Variants in INTS6 observed in about 807,000 individuals in gnomAD.
INTS6 encodes the protein DEAD box protein.
Under a neutral mutation model 104.9 loss-of-function variants are expected in INTS6, and 16 were observed. The observed-to-expected ratio is 0.15, with a 90% CI of 0.10 to 0.23. The LOEUF is 0.23. Ranked by LOEUF, INTS6 falls within the 10% of genes least tolerant of loss-of-function variation. The pLI, the probability that INTS6 is intolerant of heterozygous loss-of-function variation, is 1.00. For missense variants in INTS6, 584 were observed against 1,062.8 expected, an observed-to-expected ratio of 0.55 and a Z score of 6.26; for synonymous variants, 324 against 358.7, an observed-to-expected ratio of 0.90 and a Z score of 1.09.
In INTS6 at chr13:51,378,288, T is replaced by C. The variant is rs1283163025; in HGVS notation, c.1553A>G (p.Asp518Gly). Reference sequence around the variant, plus strand: ...CCCAGTGTATTCCTTCATATTAAGGTCTAGCAGTCTGTGAGGGACATCCTC... The same window carrying C: ...CCCAGTGTATTCCTTCATATTAAGGCCTAGCAGTCTGTGAGGGACATCCTC... The part of the protein sequence containing the change: ...ISEDVPHRLL[D>G]LNMKEYTGFQ... Residue 518 changes from aspartate (D) to glycine (G), a missense_variant, in exon 12 of 18, where the codon GAC becomes GGC. This residue lies in a region of INTS6 where 74 missense variants were observed against 64.4 expected (regional missense o/e 1.15). Coordinates refer to ENST00000311234, the MANE Select transcript of INTS6 (RefSeq NM_012141.3). 1.2e-6 allele frequency: 2 copies of C among 1,613,336 alleles called. No individual in the cohort carries two copies. Among genetic ancestry groups the C allele is most frequent in the Non-Finnish European group, 1.7e-6 (2 of 1,179,500 alleles).
chr13:51,430,313 G>C lies in INTS6; in HGVS notation c.410C>G (p.Thr137Ser). Residue 137 changes from threonine to serine, a missense_variant, in exon 4 of 18, where the codon ACC becomes AGC. Transcript: ENST00000311234. ...TITDGSKLTT[T>S]SGVQDELHLP... is the part of the protein sequence containing the mutation. ...ACTTACCTCATCCTGGACTCCACTGGTGGTAGTCAACTTGCTCCCATCAGT... is the reference window on the plus strand; with the variant it reads ...ACTTACCTCATCCTGGACTCCACTGCTGGTAGTCAACTTGCTCCCATCAGT... 1.2e-6 allele frequency: 2 copies of C among 1,612,894 alleles called. No individual in the cohort carries two copies. Among genetic ancestry groups the C allele is most frequent in the Non-Finnish European group, 1.7e-6 (2 of 1,179,332 alleles).
the INTS6 span, among the ~76,000 whole-genome samples, chr13:51,338,100 A>G: frequency 6.6e-6 from 1 of 152,186 alleles, no homozygotes; most frequent in Admixed American, 6.5e-5. Flanking sequence ...TGGCATATTC[A>G]TAGAGTTAGA....
At chr13:51,440,029 G>C (rs1475829218) in intron 3 of INTS6, 1 of 152,460 alleles carries the variant, frequency 6.6e-6, no homozygotes, top group African/African-American at 2.4e-5. Flanking sequence ...ATGAGGTCAG[G>C]AGATCAGGAG....
chr13:51,346,902 C>T, the INTS6 span: 3 of 676,020 alleles, frequency 4.4e-6, no homozygotes, highest in Non-Finnish European at 7.9e-6. Flanking sequence ...AGAGAGACCA[C>T]CTTAAGCAAA....
chr13:51,341,380 C>T, the INTS6 span: 4 of 1,544,980 alleles, frequency 2.6e-6, no homozygotes, highest in Non-Finnish European at 3.5e-6. Context: ...CACTCACTTA[C>T]CCTCCTGTTC....
intron 4 of INTS6, among the ~76,000 whole-genome samples, chr13:51,405,142 G>A (rs570525084): frequency 1.3e-5 from 2 of 152,270 alleles, no homozygotes; most frequent in African/African-American, 4.8e-5. Flanking sequence ...GTAATGAAGA[G>A]TGAAGATCAT....
At chr13:51,348,848 G>GTCCC in the INTS6 span, among the ~76,000 whole-genome samples, 3 of 150,444 alleles carry the variant, frequency 2.0e-5, no homozygotes, top group African/African-American at 4.9e-5. Context: ...ACGTAATTGA[G>GTCCC]CAAGTACAGA....
chr13:51,379,746 G>A (rs1956009149), intron 10 of INTS6, among the ~76,000 whole-genome samples, 174 bp from the exon 11 acceptor site: 1 of 151,980 alleles, frequency 6.6e-6, no homozygotes, highest in Admixed American at 6.5e-5. Flanking sequence ...GGGATGAAAG[G>A]CCGTTTGAAG....
At chr13:51,415,185 T>C (rs189424373) in intron 4 of INTS6, among the ~76,000 whole-genome samples, 1 of 151,892 alleles carries the variant, frequency 6.6e-6, no homozygotes, top group Admixed American at 6.6e-5. Flanking sequence ...AAAAAAAAAA[T>C]TCTTTAAAAA....
intron 3 of INTS6, chr13:51,447,055 A>T (rs936577162): frequency 3.3e-5 from 5 of 152,168 alleles, no homozygotes; most frequent in Non-Finnish European, 5.9e-5. Flanking sequence ...TTAAAAAAAA[A>T]TTTTAATTAA....
intron 13 of INTS6, among the ~76,000 whole-genome samples, chr13:51,375,161 T>C (rs1955893309): frequency 1.3e-5 from 2 of 152,118 alleles, no homozygotes; most frequent in East Asian, 3.9e-4. Flanking sequence ...GAGACCAGCC[T>C]GGCCAACATG....
chr13:51,348,257 C>G, the INTS6 span: 1 of 1,606,728 alleles, frequency 6.2e-7, no homozygotes, highest in Non-Finnish European at 8.5e-7. Context: ...GGTGCTGGAG[C>G]TTCCTTACCT....
downstream of INTS6, among the ~76,000 whole-genome samples, chr13:51,351,298 C>T (rs770024810): frequency 6.6e-6 from 1 of 152,148 alleles, no homozygotes; most frequent in Non-Finnish European, 1.5e-5. Context: ...TCTCCACATC[C>T]TTGTCAACAC....
chr13:51,344,162 G>A, the INTS6 span: 15 of 908,954 alleles, frequency 1.7e-5, no homozygotes, highest in South Asian at 1.2e-4. Context: ...AGTTGCTGGC[G>A]TTCCATCTCA....
downstream of INTS6, chr13:51,353,952 T>A (rs949540473): frequency 6.6e-6 from 1 of 152,182 alleles, no homozygotes; most frequent in Admixed American, 6.5e-5. Context: ...AAATGCCTTG[T>A]CCCTGGGGAA....
downstream of INTS6, among the ~76,000 whole-genome samples, chr13:51,356,972 T>A (rs1379111652): frequency 6.6e-6 from 1 of 152,158 alleles, no homozygotes; most frequent in Non-Finnish European, 1.5e-5. Context: ...GTTTTGTTCC[T>A]CTAAAGCAGG....
At chr13:51,442,771 G>A (rs959079101) in intron 3 of INTS6, 6 of 152,170 alleles carry the variant, frequency 3.9e-5, no homozygotes, top group African/African-American at 9.7e-5. Context: ...GACCTGAGGT[G>A]GAAAAGTTTC....
intron 3 of INTS6, among the ~76,000 whole-genome samples, chr13:51,356,241 G>A (rs752593034): frequency 6.6e-6 from 1 of 152,136 alleles, no homozygotes; most frequent in Admixed American, 6.6e-5. Context: ...GCACACAGTT[G>A]GATACCAAGT....
Position 51,364,657 on chromosome 13 carries a change from A to G in INTS6, c.*1095T>C. The G allele has an allele frequency of 6.0e-6, 1 of 167,326 alleles. No individual in the cohort carries two copies. Among genetic ancestry groups the G allele is most frequent in the Non-Finnish European group, 1.3e-5 (1 of 78,314 alleles). 10.4% of individuals were successfully genotyped at this position (167,326 alleles called of 1,614,324 possible). On this transcript the variant is annotated 3_prime_UTR_variant, in exon 18 of 18. Transcript: ENST00000311234. Reference sequence around the variant, plus strand: ...CCTTATCCTGTGAAACTCAGGGGGGATGCAAAATGAGCAAAGTCATCTTAA... The same window carrying G: ...CCTTATCCTGTGAAACTCAGGGGGGGTGCAAAATGAGCAAAGTCATCTTAA...
Sources: allele counts gnomAD v4.1 joint callset (sites outside exome capture counted in the v4.1 genomes callset), GRCh38; gene constraint gnomAD v4.1.1; regional missense constraint gnomAD v4.1.1; transcripts MANE v1.5; gene names NCBI Gene and HGNC (gene_info 2026-07-23, HGNC 2026-07-21).